The following BMS1 variants were observed in gnomAD, a reference collection of about 807,000 sequenced individuals.
BMS1 encodes BMS1 ribosome biogenesis factor, also known as ribosome biogenesis protein BMS1 homolog.
In BMS1, 53 loss-of-function variants were observed where a neutral mutation model predicts 138.7. The observed-to-expected ratio is 0.38, with a 90% confidence interval of 0.31 to 0.48. The LOEUF (loss-of-function observed/expected upper bound fraction) is 0.48, where lower values mean the gene tolerates loss of function less well. Among genes scored for constraint, BMS1 ranks in the 20% least tolerant of loss-of-function variants. The pLI is 0.97. For synonymous variants in BMS1, 504 were observed against 539.9 expected (o/e 0.93, Z 0.92); for missense variants, 1,360 against 1,565.5 (o/e 0.87, Z 2.22).
intron 7 of BMS1, 33 bp from the exon 8 acceptor site, chr10:42,792,924 A>G: frequency 1.3e-6 from 2 of 1,591,348 alleles, no homozygotes; most frequent in Non-Finnish European, 1.7e-6. Flanking sequence ...ACTTCTTGTC[A>G]GCTGAAGCTG....
At chr10:42,803,063 C>G (rs1424023697) in intron 13 of BMS1, among the ~76,000 whole-genome samples, 2 of 152,088 alleles carry the variant, frequency 1.3e-5, no homozygotes, top group African/African-American at 4.8e-5. Context: ...GCTCTGTTAC[C>G]CAGACTGGAG....
At chr10:42,789,394 G>A (rs78859990) in intron 4 of BMS1, among the ~76,000 whole-genome samples, 5,237 of 151,468 alleles carry the variant, frequency 0.035, 155 homozygotes, top group Admixed American at 0.1. Flanking sequence ...TCAAAGATGG[G>A]CATTTCTGTT....
At chr10:42,791,507 C>G (rs1428738307) in intron 5 of BMS1, 120 bp from the exon 6 acceptor site, 46 of 1,031,992 alleles carry the variant, frequency 4.5e-5, no homozygotes, top group Non-Finnish European at 6.0e-5. Context: ...AGCCTCAGGA[C>G]AGTGGCTTTG....
At chr10:42,820,110 A>T (rs537451736) in intron 15 of BMS1, 126 bp from the exon 16 acceptor site, 3 of 1,260,372 alleles carry the variant, frequency 2.4e-6, no homozygotes, top group African/African-American at 1.5e-5. Context: ...AGTATTTTTA[A>T]TAGGGTAAAG....
rs1316707439 is a variant in BMS1, at chr10:42,793,106, G to A, written c.1051G>A (p.Ala351Thr). The A allele has an allele frequency of 1.2e-5, 19 of 1,613,072 alleles. No individual in the cohort carries two copies. The highest frequency in any genetic ancestry group is 5.0e-5 in the Admixed American group (3 of 59,922). The change falls in exon 8 of 23, where the codon GCT (alanine) becomes ACT (threonine). Residue 351 changes from alanine (A) to threonine (T), a missense_variant. Around this residue, in one of 3 missense-constraint regions of BMS1, gnomAD observed 697 missense variants for 686.2 expected, o/e 1.02. Transcript: ENST00000374518. ...TGGGGGTGTGCTGTATGACAAAGAC[G>A]CTGTCTATGTTGACCTTGGTGGCAG... is the stretch of plus-strand genomic sequence containing the variant. ...GVGGVLYDKD[A>T]VYVDLGGSHV...
rs1349183628 is a variant in BMS1 at position 42,834,408 on chromosome 10, C to G, written c.*3312C>G. 2 of 151,464 alleles carry G rather than the reference C, an allele frequency of 1.3e-5. No homozygotes were observed. The highest frequency in any genetic ancestry group is 4.2e-4 in the South Asian group (2 of 4,786). The allele number at this position is 151,464 out of a possible 1,614,324, so 9.4% of individuals were successfully genotyped here. On this transcript the variant is annotated 3_prime_UTR_variant, in exon 23 of 23. Transcript: ENST00000374518. ...ACCTCGCTGATGGGAAAAAGAGCAT[C>G]GATTTAATTGCCCTTGGTACCGACT...
At position 42,822,381 on chromosome 10, in the gene BMS1, G is replaced by A. The variant is rs577665882; in HGVS notation, c.3132+197G>A. ...AAAGCAGTGGTAAAACAGCTATTTAGGAATTGAGGCTGTTATTCATAACTT... is the reference window on the plus strand; with the variant it reads ...AAAGCAGTGGTAAAACAGCTATTTAAGAATTGAGGCTGTTATTCATAACTT... On this transcript the variant is annotated intron_variant, in intron 19 of 22. Transcript: ENST00000374518. Among the ~76,000 whole-genome samples, 3 of 152,270 alleles carry A rather than the reference G, an allele frequency of 2.0e-5. No individual in the cohort carries two copies. The East Asian group carries it at 5.8e-4, about 29-fold the overall frequency.
At chr10:42,792,462 A>G in intron 6 of BMS1, 31 bp from the exon 7 acceptor site, 3 of 1,606,610 alleles carry the variant, frequency 1.9e-6, no homozygotes, top group Non-Finnish European at 2.5e-6. Flanking sequence ...TTTGGCATTC[A>G]TTTCTGCTGT....
intron 17 of BMS1, 67 bp from the exon 18 acceptor site, chr10:42,820,867 C>G: frequency 7.3e-7 from 1 of 1,364,102 alleles, no homozygotes; most frequent in Non-Finnish European, 1.0e-6. Context: ...ATGTCCATAT[C>G]CAGTATGTTA....
Position 42,833,618 on chromosome 10 carries a change from C to G in BMS1, c.*2522C>G, listed in dbSNP as rs1381071115. The G allele has an allele frequency of 6.6e-6, 1 of 152,212 alleles. No individual in the cohort carries two copies. The highest frequency in any genetic ancestry group is 2.4e-5 in the African/African-American group (1 of 41,456). The allele number at this position is 152,212 out of a possible 1,614,324, so 9.4% of individuals were successfully genotyped here. On this transcript the variant is annotated 3_prime_UTR_variant, in exon 23 of 23. Transcript: ENST00000374518. ...ACATAGAAAAGGCGTAGCAAAAATA[C>G]AGTATTGTGGAACCACTGCCATATA...
At chr10:42,829,517 C>T (rs1015982143) in intron 21 of BMS1, among the ~76,000 whole-genome samples, 1 of 152,072 alleles carries the variant, frequency 6.6e-6, no homozygotes, top group Non-Finnish European at 1.5e-5. Flanking sequence ...AAGAACTGTC[C>T]TTAAATCCAG....
At chr10:42,786,243 C>T (rs932563741) in intron 3 of BMS1, among the ~76,000 whole-genome samples, 7 of 152,148 alleles carry the variant, frequency 4.6e-5, no homozygotes, top group African/African-American at 1.4e-4. Context: ...GGTGGAAGTG[C>T]GAGTTTTCTC....
At chr10:42,787,457 G>A (rs1247174518) in intron 4 of BMS1, among the ~76,000 whole-genome samples, 2 of 152,144 alleles carry the variant, frequency 1.3e-5, no homozygotes, top group African/African-American at 4.8e-5. Flanking sequence ...ACAATGAAAT[G>A]TGTTCCAAAA....
At chr10:42,803,926 A>T (rs1689350417) in intron 13 of BMS1, among the ~76,000 whole-genome samples, 1 of 152,212 alleles carries the variant, frequency 6.6e-6, no homozygotes, top group Non-Finnish European at 1.5e-5. Context: ...CACCAGGTAC[A>T]TTCAGCTGCC....
In BMS1 at chr10:42,833,229, A is replaced by G. The variant is rs1345190245; in HGVS notation, c.*2133A>G. 6.6e-6 allele frequency: 1 copy of G among 152,258 alleles called. No homozygotes were observed. The highest frequency in any genetic ancestry group is 1.5e-5 in the Non-Finnish European group (1 of 68,044). The allele number at this position is 152,258 out of a possible 1,614,324, so 9.4% of individuals were successfully genotyped here. On this transcript the variant is annotated 3_prime_UTR_variant, in exon 23 of 23. Coordinates refer to ENST00000374518, the MANE Select transcript of BMS1 (RefSeq NM_014753.4). Reference sequence around the variant, plus strand: ...TTATCATATTTGGAGAACAAGGGAAATAAAAAGTTTGCATATTAAGATTAT... The same window carrying G: ...TTATCATATTTGGAGAACAAGGGAAGTAAAAAGTTTGCATATTAAGATTAT...
At chr10:42,806,911 A>C (rs1842029079) in intron 13 of BMS1, among the ~76,000 whole-genome samples, 3 of 152,206 alleles carry the variant, frequency 2.0e-5, no homozygotes, top group African/African-American at 7.2e-5. Flanking sequence ...TGTATCTTGT[A>C]CTATAGCAGT....
chr10:42,783,633 T>G (rs565301680), intron 1 of BMS1, among the ~76,000 whole-genome samples: 1 of 152,312 alleles, frequency 6.6e-6, no homozygotes, highest in East Asian at 1.9e-4. Flanking sequence ...ATTCAGTGAT[T>G]GCCAATTTAT....
intron 12 of BMS1, among the ~76,000 whole-genome samples, chr10:42,800,048 C>T (rs1268997151): frequency 6.6e-6 from 1 of 152,010 alleles, no homozygotes; most frequent in Admixed American, 6.5e-5. Context: ...GGAGCAATAC[C>T]AATAGAACTT....
intron 8 of BMS1, among the ~76,000 whole-genome samples, chr10:42,793,503 G>A (rs1271453088): frequency 1.3e-5 from 2 of 151,906 alleles, no homozygotes; most frequent in South Asian, 2.1e-4. Flanking sequence ...ATTTTAAAGT[G>A]GATTTCAAAT....
Sources: gnomAD v4.1 joint callset for allele counts (sites outside exome capture counted in the v4.1 genomes callset) on GRCh38, gnomAD v4.1.1 for gene constraint, gnomAD v4.1.1 regional missense constraint, MANE v1.5 for transcripts, NCBI Gene and HGNC (gene_info 2026-07-23, HGNC 2026-07-21) for gene names.